The following L3MBTL4 variants were observed in gnomAD, a reference collection of about 807,000 sequenced individuals.
The protein encoded by L3MBTL4 is lethal(3)malignant brain tumor-like protein 4.
Under a neutral mutation model 84.5 loss-of-function variants are expected in L3MBTL4, and 70 were observed. The ratio of observed to expected loss-of-function variants is 0.83; its 90% CI spans 0.68 to 1.01. The LOEUF (loss-of-function observed/expected upper bound fraction) is 1.01. Among genes scored for constraint, L3MBTL4 ranks in the 50% least tolerant of loss-of-function variants. L3MBTL4 has a pLI of 0.00. For synonymous variants in L3MBTL4, 274 were observed against 259.8 expected, an observed-to-expected ratio of 1.05 and a Z score of -0.52; for missense variants, 715 against 754.8, an observed-to-expected ratio of 0.95 and a Z score of 0.62.
chr18:6,123,119 C>T (rs561705164), intron 14 of L3MBTL4, among the ~76,000 whole-genome samples: 2 of 152,128 alleles, frequency 1.3e-5, no homozygotes, highest in Non-Finnish European at 2.9e-5. Flanking sequence ...TAACCCAGTT[C>T]TTGCTGCTAG....
intron 13 of L3MBTL4, among the ~76,000 whole-genome samples, chr18:6,170,382 G>C (rs551637235): frequency 6.6e-6 from 1 of 152,316 alleles, no homozygotes; most frequent in East Asian, 1.9e-4. Flanking sequence ...GTCAAAGATA[G>C]ATTCTGTATA....
At chr18:6,302,946 G>C (rs888066088) in intron 3 of L3MBTL4, among the ~76,000 whole-genome samples, 1 of 151,882 alleles carries the variant, frequency 6.6e-6, no homozygotes, top group African/African-American at 2.4e-5. Flanking sequence ...AGCCAAGATT[G>C]TGCCTCTGCA....
chr18:6,307,609 C>T (rs144932203), intron 3 of L3MBTL4, among the ~76,000 whole-genome samples: 42 of 152,240 alleles, frequency 2.8e-4, no homozygotes, highest in African/African-American at 9.9e-4. Context: ...GAAGGGTGAC[C>T]ATACCTTAGA....
At chr18:6,313,812 ATTATT>A (rs1441367318) in intron 1 of L3MBTL4, among the ~76,000 whole-genome samples, 1 of 152,208 alleles carries the variant, frequency 6.6e-6, no homozygotes, top group Non-Finnish European at 1.5e-5. Flanking sequence ...CTGAATTCAC[ATTATT>A]TTATATCAGG....
intron 12 of L3MBTL4, among the ~76,000 whole-genome samples, chr18:6,174,859 T>A (rs1356721287): frequency 7.3e-6 from 1 of 137,004 alleles, no homozygotes. Flanking sequence ...AGAGCGAAAC[T>A]CTGTCAAAAA....
intron 1 of L3MBTL4, among the ~76,000 whole-genome samples, chr18:6,323,797 C>G (rs2147086071): frequency 6.6e-6 from 1 of 152,314 alleles, no homozygotes. Flanking sequence ...AAGAAAAGAC[C>G]ATTTTCAGGG....
At chr18:6,367,641 C>T (rs551028970) in intron 1 of L3MBTL4, 11 of 152,458 alleles carry the variant, frequency 7.2e-5, no homozygotes, top group African/African-American at 1.9e-4. Flanking sequence ...TGTGCATGTT[C>T]CTCAGAAGGC....
At position 6,176,873 on chromosome 18, in the gene L3MBTL4, A is replaced by G. The variant is rs542608258; in HGVS notation, c.982-4931T>C. ...ATTTTGGAAAAAAAATTCATGAATG[A>G]TCAATAAACAAACTTTTAACATCTC... On this transcript the variant is annotated intron_variant, in intron 12 of 18. Transcript: ENST00000317931. Among the ~76,000 whole-genome samples the G allele has an allele frequency of 2.1e-4, 32 of 152,316 alleles. No homozygotes were observed. The South Asian group carries it at 6.4e-3, about 31-fold the overall frequency.
chr18:6,215,511 T>C (rs552891446), intron 11 of L3MBTL4, among the ~76,000 whole-genome samples: 7 of 152,168 alleles, frequency 4.6e-5, no homozygotes, highest in Admixed American at 2.0e-4. Context: ...GTGTTTTCAA[T>C]TGTACCTCTG....
At chr18:6,146,055 C>T (rs2144752230) in intron 13 of L3MBTL4, among the ~76,000 whole-genome samples, 1 of 152,322 alleles carries the variant, frequency 6.6e-6, no homozygotes, top group Non-Finnish European at 1.5e-5. Context: ...GAGCACGGGA[C>T]ACGCTGGGAC....
intron 4 of L3MBTL4, among the ~76,000 whole-genome samples, chr18:6,293,322 G>A (rs1241464987): frequency 2.0e-5 from 3 of 152,220 alleles, no homozygotes; most frequent in Non-Finnish European, 2.9e-5. Context: ...TCTGGGGCAA[G>A]GAGAGTTCAA....
chr18:6,395,776 C>T (rs1226898490), intron 1 of L3MBTL4: 2 of 152,060 alleles, frequency 1.3e-5, no homozygotes, highest in African/African-American at 2.4e-5. Flanking sequence ...GTTCTACACT[C>T]GGTTTTGTTT....
At chr18:6,299,755 G>A (rs1270477850) in intron 4 of L3MBTL4, among the ~76,000 whole-genome samples, 2 of 151,974 alleles carry the variant, frequency 1.3e-5, no homozygotes, top group African/African-American at 2.4e-5. Flanking sequence ...CTACAGCCTC[G>A]ACCTTCTGAG....
intron 16 of L3MBTL4, among the ~76,000 whole-genome samples, chr18:6,021,594 T>A (rs1021523231): frequency 6.6e-6 from 1 of 152,168 alleles, no homozygotes; most frequent in Admixed American, 6.5e-5. Flanking sequence ...CCTCCCTGCA[T>A]GGAATTGACT....
intron 14 of L3MBTL4, among the ~76,000 whole-genome samples, chr18:6,109,817 C>A (rs1598778252): frequency 3.9e-5 from 6 of 152,170 alleles, no homozygotes; most frequent in African/African-American, 1.2e-4. Context: ...ATTTTCATTA[C>A]TTCTTCAAAC....
chr18:6,251,963 C>G (rs146468830), intron 5 of L3MBTL4, among the ~76,000 whole-genome samples: 1 of 152,294 alleles, frequency 6.6e-6, no homozygotes, highest in African/African-American at 2.4e-5. Context: ...TACAAAAATA[C>G]TTTTAGATGG....
chr18:6,393,091 TTAACTA>T (rs2055125885), intron 1 of L3MBTL4, among the ~76,000 whole-genome samples: 1 of 151,686 alleles, frequency 6.6e-6, no homozygotes, highest in South Asian at 2.1e-4. Context: ...AAAAAAAATT[TTAACTA>T]TAAAGATAAT....
At chr18:6,374,725 C>T (rs939852064) in intron 1 of L3MBTL4, among the ~76,000 whole-genome samples, 3 of 152,092 alleles carry the variant, frequency 2.0e-5, no homozygotes, top group Admixed American at 2.0e-4. Flanking sequence ...TAGAACCAGT[C>T]ACGCCCCGCC....
chr18:6,199,355 A>C (rs1373163741), intron 12 of L3MBTL4, among the ~76,000 whole-genome samples: 2 of 152,312 alleles, frequency 1.3e-5, no homozygotes, highest in South Asian at 2.1e-4. Context: ...AACTCAACTG[A>C]AATGAAGACT....
Sources: allele counts gnomAD v4.1 joint callset (sites outside exome capture counted in the v4.1 genomes callset), GRCh38; gene constraint gnomAD v4.1.1; transcripts MANE v1.5; gene names NCBI Gene and HGNC (gene_info 2026-07-23, HGNC 2026-07-21).